SIPA1L1: variants seen among roughly 807,000 people sequenced by gnomAD.
SIPA1L1 encodes the protein signal-induced proliferation-associated 1-like protein 1.
In SIPA1L1, 26 loss-of-function variants were observed where a neutral mutation model predicts 162.7. The observed-to-expected ratio is 0.16, with a 90% CI of 0.12 to 0.22. The LOEUF is 0.22. SIPA1L1 is among the 10% of genes least tolerant of loss of function. SIPA1L1 has a pLI of 1.00. For synonymous variants in SIPA1L1, 829 were observed against 837.4 expected (o/e 0.99, Z 0.17); for missense variants, 1,874 against 2,241.0 (o/e 0.84, Z 3.31).
intron 17 of SIPA1L1, among the ~76,000 whole-genome samples, chr14:71,720,494 C>T (rs1279156781): frequency 6.6e-6 from 1 of 152,050 alleles, no homozygotes; most frequent in Non-Finnish European, 1.5e-5. Context: ...AGTAGAAAAC[C>T]TGGGAGCAGA....
At chr14:71,380,369 G>T (rs1464347562) in intron 2 of SIPA1L1, among the ~76,000 whole-genome samples, 1 of 152,182 alleles carries the variant, frequency 6.6e-6, no homozygotes, top group Non-Finnish European at 1.5e-5. Flanking sequence ...CCCAGATACA[G>T]TCCTGCATGA....
At chr14:71,582,679 C>T (rs2034101932) in intron 4 of SIPA1L1, among the ~76,000 whole-genome samples, 1 of 152,112 alleles carries the variant, frequency 6.6e-6, no homozygotes. Context: ...GTTAATTTTA[C>T]CAAAAGTTTT....
chr14:71,630,153 T>C (rs146126125), intron 7 of SIPA1L1, among the ~76,000 whole-genome samples: 2 of 152,214 alleles, frequency 1.3e-5, no homozygotes, highest in African/African-American at 4.8e-5. Flanking sequence ...CTAATGCATG[T>C]TTAGAGTTCA....
chr14:71,330,924 A>G lies in SIPA1L1; in HGVS notation c.-465+9743A>G, dbSNP rs368876679. On this transcript the variant is annotated intron_variant, in intron 2 of 23. Coordinates refer to ENST00000381232, the MANE Select transcript of SIPA1L1 (RefSeq NM_001386936.1). ...TGATGCACAAAAATTTTTTAGTTTGATGCAGTCCCACTTGGCTAATTTTGC... is the reference window on the plus strand; with the variant it reads ...TGATGCACAAAAATTTTTTAGTTTGGTGCAGTCCCACTTGGCTAATTTTGC... Among the ~76,000 whole-genome samples, 50 of 152,288 alleles carry G rather than the reference A, an allele frequency of 3.3e-4. 1 individual carries two copies. In the East Asian group the frequency reaches 6.4e-3, roughly 19 times the overall value.
Position 71,377,346 on chromosome 14 carries a change from G to T in SIPA1L1, c.-465+56165G>T, listed in dbSNP as rs1216344297. On this transcript the variant is annotated intron_variant, in intron 2 of 23. Coordinates refer to ENST00000381232, the MANE Select transcript of SIPA1L1 (RefSeq NM_001386936.1). The surrounding 1 kb of genome is among the most constrained non-coding windows in gnomAD (Gnocchi z 4.8). ...GCTCCTCAACTTCTCAGACGGGGCG[G>T]CCGGGCGGAGGCACTCCTCAGTTCC... Among the ~76,000 whole-genome samples, 1 of 151,488 alleles carries T rather than the reference G, an allele frequency of 6.6e-6. No homozygotes were observed. The highest frequency in any genetic ancestry group is 1.5e-5 in the Non-Finnish European group (1 of 67,862).
intron 4 of SIPA1L1, among the ~76,000 whole-genome samples, chr14:71,532,470 G>A (rs914915318): frequency 1.7e-4 from 26 of 152,296 alleles, no homozygotes; most frequent in Non-Finnish European, 2.6e-4. Context: ...ATGAAATGCT[G>A]CCTTTGTGGG....
At chr14:71,426,383 AT>A (rs371986964) in intron 2 of SIPA1L1, among the ~76,000 whole-genome samples, 12 of 144,234 alleles carry the variant, frequency 8.3e-5, no homozygotes, top group East Asian at 2.0e-4. Flanking sequence ...AACCTTTAAA[AT>A]TTTTTTTTTC....
chr14:71,679,578 A>G (rs1048966248), intron 12 of SIPA1L1, among the ~76,000 whole-genome samples: 7 of 152,264 alleles, frequency 4.6e-5, no homozygotes, highest in African/African-American at 2.4e-5. Context: ...AGATTTACAC[A>G]TAACAATATT....
In SIPA1L1 at chr14:71,334,385, A is replaced by G. The variant is rs1246144285; in HGVS notation, c.-465+13204A>G. Among the ~76,000 whole-genome samples the G allele has an allele frequency of 5.3e-5, 8 of 152,220 alleles. No individual in the cohort carries two copies. In the South Asian group the frequency reaches 8.3e-4, roughly 16 times the overall value. On this transcript the variant is annotated intron_variant, in intron 2 of 23. Transcript: ENST00000381232. ...CCACATTGTATTGTGGAAAGTTAGC[A>G]TATGCCCTCCAAAGCCTGGTTTCTT...
At chr14:71,414,612 T>G (rs1451358348) in intron 2 of SIPA1L1, among the ~76,000 whole-genome samples, 1 of 152,256 alleles carries the variant, frequency 6.6e-6, no homozygotes, top group Non-Finnish European at 1.5e-5. Context: ...GAAGGTTTTC[T>G]GTTACATGTT....
chr14:71,577,069 C>CA (rs747771194), intron 4 of SIPA1L1, among the ~76,000 whole-genome samples: 62,674 of 111,212 alleles, frequency 0.56, 15,579 homozygotes, highest in Admixed American at 0.6. Flanking sequence ...GGTGACAGAG[C>CA]AAAAAAAAAA....
intron 2 of SIPA1L1, among the ~76,000 whole-genome samples, chr14:71,335,683 T>C (rs1349740520): frequency 6.6e-6 from 1 of 152,206 alleles, no homozygotes; most frequent in Non-Finnish European, 1.5e-5. Context: ...GATAGTTTTC[T>C]TATATGTTTT....
rs777516889 is a variant in SIPA1L1, at chr14:71,580,129, A to G, written c.-302-7442A>G. On this transcript the variant is annotated intron_variant, in intron 4 of 23. Transcript: ENST00000381232. ...GCTTATCTAATGTAAATCTGACTTCATCGCTTTCTCTTCTGCCCTCAAAGA... is the reference window on the plus strand; with the variant it reads ...GCTTATCTAATGTAAATCTGACTTCGTCGCTTTCTCTTCTGCCCTCAAAGA... Among the ~76,000 whole-genome samples, 75 of 152,320 alleles carry G rather than the reference A, an allele frequency of 4.9e-4. 2 individuals carry two copies. The highest frequency in any genetic ancestry group is 9.1e-4 in the Non-Finnish European group (62 of 68,034).
At chr14:71,504,283 G>A (rs943793426) in intron 2 of SIPA1L1, among the ~76,000 whole-genome samples, 1 of 152,122 alleles carries the variant, frequency 6.6e-6, no homozygotes, top group Non-Finnish European at 1.5e-5. Context: ...TGTGAAATGT[G>A]TATATGTAAG....
intron 13 of SIPA1L1, among the ~76,000 whole-genome samples, chr14:71,686,126 A>G (rs536265584): frequency 6.6e-6 from 1 of 152,340 alleles, no homozygotes; most frequent in African/African-American, 2.4e-5. Flanking sequence ...TACTCTGAAA[A>G]TAGGAAAGAA....
At chr14:71,667,595 A>G (rs1356641041) in intron 10 of SIPA1L1, among the ~76,000 whole-genome samples, 2 of 152,236 alleles carry the variant, frequency 1.3e-5, no homozygotes, top group African/African-American at 4.8e-5. Flanking sequence ...TGCCCTGGCC[A>G]GTAATCTGAT....
chr14:71,399,581 T>C (rs545113032), intron 2 of SIPA1L1, among the ~76,000 whole-genome samples: 1 of 152,146 alleles, frequency 6.6e-6, no homozygotes, highest in African/African-American at 2.4e-5. Flanking sequence ...GGTTTTAGAA[T>C]TTTATTTTGT....
At chr14:71,693,998 A>G (rs2081437950) in intron 13 of SIPA1L1, among the ~76,000 whole-genome samples, 1 of 152,230 alleles carries the variant, frequency 6.6e-6, no homozygotes, top group South Asian at 2.1e-4. Flanking sequence ...AAAAAGTAAG[A>G]AATAGAATAG....
At position 71,377,225 on chromosome 14, in the gene SIPA1L1, C is replaced by T. The variant is rs866112048; in HGVS notation, c.-465+56044C>T. On this transcript the variant is annotated intron_variant, in intron 2 of 23. Transcript: ENST00000381232. The surrounding 1 kb of genome is among the most constrained non-coding windows in gnomAD (Gnocchi z 4.8). The stretch of plus-strand genomic sequence containing the variant: ...CCCCCCCACCTCCCAGATGGGGTGG[C>T]GGCTGGGCGGGGGTGCCCCCCCACC... 1.0e-4 allele frequency among the ~76,000 whole-genome samples: 15 copies of T among 149,712 alleles called. No individual in the cohort carries two copies. The highest frequency in any genetic ancestry group is 2.0e-4 in the East Asian group (1 of 4,990).
Sources: allele counts gnomAD v4.1 joint callset (sites outside exome capture counted in the v4.1 genomes callset), GRCh38; gene constraint gnomAD v4.1.1; non-coding constraint Gnocchi (gnomAD v3.1); transcripts MANE v1.5; gene names NCBI Gene and HGNC (gene_info 2026-07-23, HGNC 2026-07-21).